Variants in ADK observed in about 807,000 individuals in gnomAD.
The protein encoded by ADK is N6,N6-dimethyladenosine kinase.
A neutral mutation model predicts 44.7 loss-of-function variants in ADK; 24 were observed. The observed-to-expected ratio is 0.54, with a 90% confidence interval of 0.39 to 0.76. ADK has a LOEUF of 0.76. Among genes scored for constraint, ADK ranks in the 30% least tolerant of loss-of-function variants. The pLI is 0.00. For synonymous variants in ADK, 128 were observed against 142.6 expected (o/e 0.90, Z 0.73); for missense variants, 321 against 425.1 (o/e 0.76, Z 2.15).
At chr10:74,333,857 A>G (rs140742020) in intron 4 of ADK, among the ~76,000 whole-genome samples, 192 of 152,336 alleles carry the variant, frequency 1.3e-3, no homozygotes, top group Admixed American at 3.8e-3. Flanking sequence ...AGACGTATGC[A>G]GAAAGGGACA....
intron 10 of ADK, among the ~76,000 whole-genome samples, chr10:74,700,046 G>A (rs1300343927): frequency 6.6e-6 from 1 of 152,044 alleles, no homozygotes; most frequent in African/African-American, 2.4e-5. Context: ...CTGAAGATAC[G>A]CCCCTAATAA....
At chr10:74,299,978 A>G (rs1220907195) in intron 3 of ADK, among the ~76,000 whole-genome samples, 1 of 152,062 alleles carries the variant, frequency 6.6e-6, no homozygotes, top group South Asian at 2.1e-4. Context: ...CTGTTATTGC[A>G]TATGAAATGG....
rs11419041 is a variant in ADK, at chr10:74,205,675, CAAAAAAAAA to C, written c.140+4849_140+4857del. Among the ~76,000 whole-genome samples the C allele has an allele frequency of 1.1e-4, 9 of 85,350 alleles. 1 individual carries two copies. Among genetic ancestry groups the C allele is most frequent in the African/African-American group, 2.4e-4 (5 of 20,420 alleles). The allele number at this position is 85,350 out of a possible 152,430, so 56.0% of individuals were successfully genotyped here. ...AGTGTGACAGCCTGAGAATCTGTCT[CAAAAAAAAA>C]AAAAAAAAAAAGAAATGTAATTAGA... On this transcript the variant is annotated intron_variant, in intron 2 of 10. Transcript: ENST00000539909.
chr10:74,228,912 G>A (rs1413614403), intron 3 of ADK, among the ~76,000 whole-genome samples: 1 of 151,982 alleles, frequency 6.6e-6, no homozygotes, highest in Non-Finnish European at 1.5e-5. Flanking sequence ...TTGCTATAAG[G>A]CAAGGGGAAA....
chr10:74,531,982 C>T (rs530619157), intron 7 of ADK, among the ~76,000 whole-genome samples: 25 of 152,296 alleles, frequency 1.6e-4, no homozygotes, highest in African/African-American at 5.8e-4. Context: ...AAGAAAACTA[C>T]AGACCAATAT....
At chr10:74,164,582 T>C (rs1361007527) in intron 1 of ADK, among the ~76,000 whole-genome samples, 1 of 152,026 alleles carries the variant, frequency 6.6e-6, no homozygotes, top group Non-Finnish European at 1.5e-5. Flanking sequence ...GAGTGTAGGT[T>C]CTTCTCTACA....
chr10:74,276,951 T>C (rs1425192015), intron 3 of ADK, among the ~76,000 whole-genome samples: 2 of 151,910 alleles, frequency 1.3e-5, no homozygotes, highest in Non-Finnish European at 1.5e-5. Context: ...GGAGTCTCAG[T>C]CTGTTGCACA....
intron 6 of ADK, among the ~76,000 whole-genome samples, chr10:74,422,872 C>T (rs1284057524): frequency 6.6e-6 from 1 of 152,096 alleles, no homozygotes; most frequent in Non-Finnish European, 1.5e-5. Flanking sequence ...TCATGGCTGT[C>T]ACAATAATGC....
intron 4 of ADK, among the ~76,000 whole-genome samples, chr10:74,324,597 G>A (rs956402842): frequency 1.3e-5 from 2 of 151,742 alleles, no homozygotes; most frequent in African/African-American, 4.8e-5. Context: ...CCTTTTTTTT[G>A]TGGATGAATA....
intron 6 of ADK, among the ~76,000 whole-genome samples, chr10:74,455,672 G>A (rs1041983898): frequency 2.6e-5 from 4 of 152,092 alleles, no homozygotes; most frequent in African/African-American, 9.7e-5. Flanking sequence ...ACCACGCCCA[G>A]CTAATTTTTG....
chr10:74,473,742 G>T (rs1846698870), intron 6 of ADK, among the ~76,000 whole-genome samples: 3 of 152,150 alleles, frequency 2.0e-5, no homozygotes, highest in Admixed American at 6.5e-5. Context: ...AGTTAAGGTG[G>T]TGTCCATTGG....
chr10:74,231,903 C>T (rs1435385070), intron 3 of ADK, among the ~76,000 whole-genome samples: 1 of 151,838 alleles, frequency 6.6e-6, no homozygotes, highest in Non-Finnish European at 1.5e-5. Context: ...TATAAGGCTG[C>T]ATCTCCAGGA....
At chr10:74,595,371 C>CTTTT (rs1223426277) in intron 8 of ADK, among the ~76,000 whole-genome samples, 7 of 91,686 alleles carry the variant, frequency 7.6e-5, no homozygotes, top group East Asian at 3.1e-4. Context: ...TGAAAAATAC[C>CTTTT]TTTTTTTTTT....
intron 10 of ADK, among the ~76,000 whole-genome samples, chr10:74,703,825 T>C (rs1372634940): frequency 6.6e-6 from 1 of 152,164 alleles, no homozygotes; most frequent in African/African-American, 2.4e-5. Flanking sequence ...ACATTGTAAA[T>C]GTAACTTCCT....
intron 7 of ADK, among the ~76,000 whole-genome samples, chr10:74,583,938 C>T (rs754891630): frequency 2.0e-5 from 3 of 152,166 alleles, no homozygotes; most frequent in Non-Finnish European, 2.9e-5. Flanking sequence ...ATTGATCATG[C>T]ACCACTCCAT....
chr10:74,571,094 T>A (rs970844143), intron 7 of ADK, among the ~76,000 whole-genome samples: 1 of 152,238 alleles, frequency 6.6e-6, no homozygotes, highest in Non-Finnish European at 1.5e-5. Context: ...TTACATTTAT[T>A]GATTTGCGTA....
At chr10:74,480,241 T>TTTA (rs1305042529) in intron 6 of ADK, among the ~76,000 whole-genome samples, 13 of 150,842 alleles carry the variant, frequency 8.6e-5, no homozygotes, top group South Asian at 2.1e-4. Flanking sequence ...TTTTTTTTTT[T>TTTA]AAAGAGACAG....
At chr10:74,259,034 C>T (rs1228786251) in intron 3 of ADK, among the ~76,000 whole-genome samples, 1 of 147,754 alleles carries the variant, frequency 6.8e-6, no homozygotes, top group Non-Finnish European at 1.5e-5. Flanking sequence ...TCATTGCAAC[C>T]TCTCCATCCT....
intron 4 of ADK, among the ~76,000 whole-genome samples, chr10:74,357,196 T>C (rs1408683123): frequency 6.6e-6 from 1 of 152,208 alleles, no homozygotes; most frequent in Non-Finnish European, 1.5e-5. Flanking sequence ...TTGTTTCTGA[T>C]CCACAGTTCT....
Sources: gnomAD v4.1 joint callset for allele counts (sites outside exome capture counted in the v4.1 genomes callset) on GRCh38, gnomAD v4.1.1 for gene constraint, MANE v1.5 for transcripts, NCBI Gene and HGNC (gene_info 2026-07-23, HGNC 2026-07-21) for gene names.